Variants in DOCK3 observed in about 807,000 individuals in gnomAD.
DOCK3 encodes the protein dedicator of cytokinesis 3, also known as dedicator of cytokinesis protein 3.
Under a neutral mutation model 265.6 loss-of-function variants are expected in DOCK3, and 60 were observed. The ratio of observed to expected loss-of-function variants is 0.23; its 90% CI spans 0.18 to 0.28. DOCK3 has a LOEUF of 0.28. DOCK3 is among the 10% of genes least tolerant of loss of function. DOCK3 has a pLI of 1.00. For missense variants in DOCK3, 1,981 were observed against 2,594.3 expected, an observed-to-expected ratio of 0.76 and a Z score of 5.14; for synonymous variants, 881 against 938.0, an observed-to-expected ratio of 0.94 and a Z score of 1.11.
chr3:50,892,591 G>A (rs1466257293), intron 4 of DOCK3, among the ~76,000 whole-genome samples: 1 of 152,098 alleles, frequency 6.6e-6, no homozygotes, highest in African/African-American at 2.4e-5. Flanking sequence ...GCATTTGTGG[G>A]TGCTGCTTGA....
chr3:51,029,259 G>T (rs932180316), intron 5 of DOCK3, among the ~76,000 whole-genome samples: 4 of 152,166 alleles, frequency 2.6e-5, no homozygotes, highest in African/African-American at 9.7e-5. Context: ...TTCTTTGGTT[G>T]TGTAATTCAG....
chr3:51,016,599 G>T (rs1374180151), intron 5 of DOCK3, among the ~76,000 whole-genome samples: 29 of 69,114 alleles, frequency 4.2e-4, no homozygotes, highest in African/African-American at 5.2e-4. Flanking sequence ...TATTATATAT[G>T]ATATATATAT....
chr3:50,769,741 G>A (rs2041158182), intron 1 of DOCK3, among the ~76,000 whole-genome samples: 1 of 150,106 alleles, frequency 6.7e-6, no homozygotes. Context: ...GAACCTGGGA[G>A]GCAGAGGTGA....
chr3:51,344,105 C>G (rs1034448509), intron 38 of DOCK3, among the ~76,000 whole-genome samples: 1 of 152,164 alleles, frequency 6.6e-6, no homozygotes, highest in East Asian at 1.9e-4. Flanking sequence ...AGGGCTAGAC[C>G]AGCCACTTAT....
intron 27 of DOCK3, among the ~76,000 whole-genome samples, chr3:51,285,981 G>T (rs1212068048): frequency 1.3e-5 from 2 of 152,062 alleles, no homozygotes; most frequent in East Asian, 1.9e-4. Context: ...AAGCAATCAG[G>T]CAAGAGAAAG....
rs2086419220 is a variant in DOCK3, at chr3:51,357,160, C to G, written c.4683+19C>G. ...TCAGGAGGTAAGCTGTGGCCACAGG[C>G]CAAACCCATGCAGCCAGCCTGGCCA... is the stretch of plus-strand genomic sequence containing the variant. On this transcript the variant is annotated intron_variant, in intron 44 of 52. Coordinates refer to ENST00000266037, the MANE Select transcript of DOCK3 (RefSeq NM_004947.5). 3.1e-6 allele frequency: 5 copies of G among 1,603,586 alleles called. No individual in the cohort carries two copies. The highest frequency in any genetic ancestry group is 4.3e-6 in the Non-Finnish European group (5 of 1,174,396).
At chr3:51,352,130 T>C (rs1415549821) in intron 40 of DOCK3, among the ~76,000 whole-genome samples, 4 of 152,336 alleles carry the variant, frequency 2.6e-5, no homozygotes, top group Admixed American at 1.3e-4. Flanking sequence ...GTACAAGAAC[T>C]AGAAACCAAA....
chr3:50,701,127 GTTTTTTTTTT>G, intron 1 of DOCK3, among the ~76,000 whole-genome samples: 1 of 113,472 alleles, frequency 8.8e-6, no homozygotes, highest in Admixed American at 9.4e-5. Flanking sequence ...TGTGGCCCTT[GTTTTTTTTTT>G]TTTTTTTTTT....
At chr3:51,076,735 G>A (rs1047765097) in intron 7 of DOCK3, among the ~76,000 whole-genome samples, 6 of 152,182 alleles carry the variant, frequency 3.9e-5, no homozygotes, top group Non-Finnish European at 5.9e-5. Flanking sequence ...GTGCTGTGTA[G>A]CATAATTTAA....
chr3:51,157,848 G>A (rs1048288898), intron 10 of DOCK3, among the ~76,000 whole-genome samples: 17 of 142,054 alleles, frequency 1.2e-4, no homozygotes, highest in Middle Eastern at 3.7e-3. Flanking sequence ...TGCCCAGGCC[G>A]GACTGCAGTA....
Position 51,354,938 on chromosome 3 carries a change from G to A in DOCK3, c.4164G>A (p.Gln1388=), listed in dbSNP as rs1257640870. The A allele has an allele frequency of 6.2e-7, 1 of 1,613,954 alleles. No homozygotes were observed. Among genetic ancestry groups the A allele is most frequent in the South Asian group, 1.1e-5 (1 of 91,084 alleles). The change falls in exon 41 of 53, where the codon CAG becomes CAA. Residue 1388 remains glutamine (Q), a synonymous_variant. Coordinates refer to ENST00000266037, the MANE Select transcript of DOCK3 (RefSeq NM_004947.5). The part of the protein sequence containing the change: ...HDYERLEAFQ[Q]RMLSEFPQAV... Reference sequence around the variant, plus strand: ...ACGAGAGGCTGGAGGCCTTCCAGCAGAGGATGCTCAGTGAGTTTCCGCAGG... The same window carrying A: ...ACGAGAGGCTGGAGGCCTTCCAGCAAAGGATGCTCAGTGAGTTTCCGCAGG...
At chr3:51,258,034 C>A (rs1396021036) in intron 22 of DOCK3, among the ~76,000 whole-genome samples, 1 of 152,162 alleles carries the variant, frequency 6.6e-6, no homozygotes, top group Non-Finnish European at 1.5e-5. Flanking sequence ...TCTCTGACAT[C>A]AGCCTTGTGC....
chr3:51,092,809 A>G (rs1256105430), intron 9 of DOCK3, among the ~76,000 whole-genome samples: 1 of 152,192 alleles, frequency 6.6e-6, no homozygotes, highest in East Asian at 1.9e-4. Context: ...AAGCTTCCAG[A>G]CGAAAGAACA....
At position 51,227,268 on chromosome 3, in the gene DOCK3, G is replaced by C; in HGVS notation, c.1378-15G>C. 1.2e-6 allele frequency: 2 copies of C among 1,611,186 alleles called. No individual in the cohort carries two copies. Among genetic ancestry groups the C allele is most frequent in the Non-Finnish European group, 1.7e-6 (2 of 1,178,398 alleles). On this transcript the variant is annotated splice_polypyrimidine_tract_variant and intron_variant, in intron 15 of 52. Transcript: ENST00000266037. ...TACCAGGAAGATGACATCTTATTTT[G>C]TTTCTTTCTTCCAGGATTGCATCAG...
intron 5 of DOCK3, among the ~76,000 whole-genome samples, chr3:51,059,663 G>T (rs183376246): frequency 6.6e-6 from 1 of 152,160 alleles, no homozygotes; most frequent in East Asian, 1.9e-4. Context: ...ACTCCCAGCT[G>T]ATGATATTGC....
chr3:51,341,100 T>C (rs1159063947), intron 37 of DOCK3, 137 bp from the exon 38 acceptor site: 1 of 1,060,960 alleles, frequency 9.4e-7, no homozygotes. Flanking sequence ...GTTTCATCTT[T>C]AGTATCCAGT....
intron 27 of DOCK3, among the ~76,000 whole-genome samples, chr3:51,299,165 T>C (rs1004399477): frequency 6.6e-6 from 1 of 152,258 alleles, no homozygotes; most frequent in African/African-American, 2.4e-5. Flanking sequence ...ATTTCTCTAA[T>C]GATCAGTGAT....
At chr3:50,685,298 A>G (rs1438763836) in intron 1 of DOCK3, among the ~76,000 whole-genome samples, 2 of 152,168 alleles carry the variant, frequency 1.3e-5, no homozygotes, top group African/African-American at 4.8e-5. Flanking sequence ...TTTTTGTTAT[A>G]ATAGGGCATT....
intron 42 of DOCK3, 52 bp from the exon 43 acceptor site, chr3:51,356,355 G>A: frequency 6.2e-7 from 1 of 1,612,500 alleles, no homozygotes; most frequent in Non-Finnish European, 8.5e-7. Flanking sequence ...AGGTAGGCAG[G>A]GTGTGGCAAA....
Sources: gnomAD v4.1 joint callset for allele counts (sites outside exome capture counted in the v4.1 genomes callset) on GRCh38, gnomAD v4.1.1 for gene constraint, MANE v1.5 for transcripts, NCBI Gene and HGNC (gene_info 2026-07-23, HGNC 2026-07-21) for gene names.